Variants in SNX3 observed in about 807,000 individuals in gnomAD.
SNX3 encodes sorting nexin 3.
Under a neutral mutation model 17.7 loss-of-function variants are expected in SNX3, and 5 were observed. The ratio of observed to expected loss-of-function variants is 0.28; its 90% confidence interval spans 0.15 to 0.59. SNX3 has a LOEUF of 0.59. Among genes scored for constraint, SNX3 ranks in the 20% least tolerant of loss-of-function variants. The pLI is 0.88. For missense variants in SNX3, 132 were observed against 206.8 expected, an observed-to-expected ratio of 0.64 and a Z score of 2.22; for synonymous variants, 91 against 76.5, an observed-to-expected ratio of 1.19 and a Z score of -0.99.
intron 2 of SNX3, among the ~76,000 whole-genome samples, chr6:108,221,531 A>AGT (rs1562421607): frequency 1.3e-5 from 1 of 78,448 alleles, no homozygotes; most frequent in Non-Finnish European, 3.0e-5. Flanking sequence ...ACAGTATTAC[A>AGT]CTTTTTTTTT....
intron 1 of SNX3, among the ~76,000 whole-genome samples, chr6:108,232,106 C>G (rs1188350699): frequency 1.3e-5 from 2 of 152,084 alleles, no homozygotes; most frequent in African/African-American, 4.8e-5. Context: ...ATTCAAAGAA[C>G]TAGAAAAGAA....
intron 1 of SNX3, among the ~76,000 whole-genome samples, chr6:108,258,504 A>C (rs62427120): frequency 6.6e-6 from 1 of 152,004 alleles, no homozygotes; most frequent in Non-Finnish European, 1.5e-5. Context: ...TGACTATACC[A>C]AAACCCTTTT....
Position 108,222,089 on chromosome 6 carries a change from G to C in SNX3, c.258+861C>G, listed in dbSNP as rs530420344. ...CATTTTTGTTGGAATGCTATGATCT[G>C]CATATTTTGTGCTCATATGCAGCCA... is the stretch of plus-strand genomic sequence containing the variant. On this transcript the variant is annotated intron_variant, in intron 2 of 3. Coordinates refer to ENST00000230085, the MANE Select transcript of SNX3 (RefSeq NM_003795.6). 22 of 571,226 alleles carry C rather than the reference G, an allele frequency of 3.9e-5. 1 individual carries two copies. The South Asian group carries it at 4.2e-4, about 11-fold the overall frequency. 35.4% of individuals were successfully genotyped at this position (571,226 alleles called of 1,614,324 possible).
At chr6:108,257,371 G>T (rs952656052) in intron 1 of SNX3, among the ~76,000 whole-genome samples, 5 of 152,082 alleles carry the variant, frequency 3.3e-5, no homozygotes, top group African/African-American at 1.2e-4. Flanking sequence ...TAAAAAATTA[G>T]CCAGGTATAG....
chr6:108,227,794 ATAAC>A (rs1775019361), intron 1 of SNX3, among the ~76,000 whole-genome samples: 1 of 152,050 alleles, frequency 6.6e-6, no homozygotes, highest in Non-Finnish European at 1.5e-5. Flanking sequence ...ACTGATTAAA[ATAAC>A]TAAGTGCAAA....
chr6:108,237,228 T>C (rs532413744), intron 1 of SNX3, among the ~76,000 whole-genome samples: 1 of 152,290 alleles, frequency 6.6e-6, no homozygotes, highest in East Asian at 1.9e-4. Flanking sequence ...TCTGGTTCTT[T>C]TCCTCATAAT....
rs551497245 is a variant in SNX3 at position 108,228,247 on chromosome 6, A to T, written c.163-5202T>A. Among the ~76,000 whole-genome samples the T allele has an allele frequency of 5.3e-5, 8 of 152,202 alleles. No individual in the cohort carries two copies. In the East Asian group the frequency reaches 1.2e-3, roughly 22 times the overall value. Reference sequence around the variant, plus strand: ...TGGTGAGACCCCCATCTCTACAAAAAATAAAAAATTAGCTGGGCAGGCTGG... The same window carrying T: ...TGGTGAGACCCCCATCTCTACAAAATATAAAAAATTAGCTGGGCAGGCTGG... On this transcript the variant is annotated intron_variant, in intron 1 of 3. Coordinates refer to ENST00000230085, the MANE Select transcript of SNX3 (RefSeq NM_003795.6).
intron 2 of SNX3, among the ~76,000 whole-genome samples, chr6:108,220,500 G>A (rs1476952210): frequency 3.3e-5 from 5 of 152,300 alleles, no homozygotes; most frequent in African/African-American, 1.2e-4. Context: ...TTGTAGTCTA[G>A]GAGTAATAGG....
intron 1 of SNX3, among the ~76,000 whole-genome samples, chr6:108,244,152 G>A (rs779263995): frequency 1.4e-4 from 21 of 151,940 alleles, no homozygotes; most frequent in Non-Finnish European, 1.2e-4. Flanking sequence ...GTTCTCCCCC[G>A]CTTTTTTTTT....
chr6:108,219,349 T>TA (rs1281167779), intron 2 of SNX3, among the ~76,000 whole-genome samples: 1 of 152,224 alleles, frequency 6.6e-6, no homozygotes, highest in Non-Finnish European at 1.5e-5. Flanking sequence ...CTCATGCCTG[T>TA]AATCCCAGCA....
chr6:108,222,412 A>G, intron 2 of SNX3: 2 of 1,221,970 alleles, frequency 1.6e-6, no homozygotes, highest in Middle Eastern at 2.2e-4. Flanking sequence ...TCAGGCATGT[A>G]ACAGTGTTTT....
chr6:108,247,261 T>C (rs1775719480), intron 1 of SNX3, among the ~76,000 whole-genome samples: 2 of 152,108 alleles, frequency 1.3e-5, no homozygotes, highest in South Asian at 4.1e-4. Context: ...CCTTTACAAA[T>C]TACCCAGTCT....
At chr6:108,245,148 C>T (rs1044595871) in intron 1 of SNX3, among the ~76,000 whole-genome samples, 13 of 151,810 alleles carry the variant, frequency 8.6e-5, no homozygotes, top group Admixed American at 3.3e-4. Context: ...GTGTGATGTT[C>T]CCCTCCCTGT....
At chr6:108,229,881 G>C (rs1379012875) in intron 1 of SNX3, among the ~76,000 whole-genome samples, 1 of 152,156 alleles carries the variant, frequency 6.6e-6, no homozygotes, top group Non-Finnish European at 1.5e-5. Context: ...TGAGCATCAG[G>C]AGTTAATAAA....
At chr6:108,237,560 C>A (rs1010874842) in intron 1 of SNX3, among the ~76,000 whole-genome samples, 4 of 152,074 alleles carry the variant, frequency 2.6e-5, no homozygotes, top group African/African-American at 9.7e-5. Flanking sequence ...CCGAGGCAGG[C>A]GGATCGATCA....
chr6:108,244,935 C>T (rs1002972868), intron 1 of SNX3, among the ~76,000 whole-genome samples: 1 of 151,816 alleles, frequency 6.6e-6, no homozygotes, highest in Non-Finnish European at 1.5e-5. Flanking sequence ...CCACTGTGCC[C>T]GGCCAAGAAA....
At chr6:108,254,333 G>A (rs1359136995) in intron 1 of SNX3, among the ~76,000 whole-genome samples, 4 of 151,880 alleles carry the variant, frequency 2.6e-5, no homozygotes, top group East Asian at 1.9e-4. Context: ...GCATAGTGGC[G>A]TGCTCCTGTA....
At chr6:108,219,402 T>C (rs951046078) in intron 2 of SNX3, among the ~76,000 whole-genome samples, 7 of 152,156 alleles carry the variant, frequency 4.6e-5, no homozygotes, top group Admixed American at 1.3e-4. Flanking sequence ...GGCCAGGAAT[T>C]CAAGACCAGC....
chr6:108,255,717 A>G (rs1356272023), intron 1 of SNX3, among the ~76,000 whole-genome samples: 1 of 152,180 alleles, frequency 6.6e-6, no homozygotes, highest in Non-Finnish European at 1.5e-5. Flanking sequence ...ATTCCCAAAA[A>G]TAAGTCTAAG....
Sources: gnomAD v4.1 joint callset for allele counts (sites outside exome capture counted in the v4.1 genomes callset) on GRCh38, gnomAD v4.1.1 for gene constraint, MANE v1.5 for transcripts, NCBI Gene and HGNC (gene_info 2026-07-23, HGNC 2026-07-21) for gene names.